Variants in CDH12 observed in about 807,000 individuals in gnomAD.
CDH12 encodes the protein cadherin-12.
In CDH12, 41 loss-of-function variants were observed where a neutral mutation model predicts 74.1. The observed-to-expected ratio is 0.55, with a 90% CI of 0.43 to 0.72. The LOEUF (loss-of-function observed/expected upper bound fraction) is 0.72. Among genes scored for constraint, CDH12 ranks in the 30% least tolerant of loss-of-function variants. The pLI is 0.00. For missense variants in CDH12, 945 were observed against 977.2 expected, an observed-to-expected ratio of 0.97 and a Z score of 0.44; for synonymous variants, 399 against 355.0, an observed-to-expected ratio of 1.12 and a Z score of -1.39.
intron 5 of CDH12, among the ~76,000 whole-genome samples, chr5:22,053,537 A>G (rs572894854): frequency 6.6e-6 from 1 of 152,140 alleles, no homozygotes; most frequent in East Asian, 1.9e-4. Context: ...CTGGCTTTCT[A>G]TCCAGGGAGA....
At chr5:22,286,513 C>T (rs2150410450) in intron 3 of CDH12, among the ~76,000 whole-genome samples, 1 of 152,172 alleles carries the variant, frequency 6.6e-6, no homozygotes, top group African/African-American at 2.4e-5. Flanking sequence ...GTTAAATGGT[C>T]AAGGTGAGGA....
intron 4 of CDH12, among the ~76,000 whole-genome samples, chr5:22,209,918 C>T (rs1198760168): frequency 6.6e-6 from 1 of 151,986 alleles, no homozygotes; most frequent in East Asian, 1.9e-4. Context: ...ACAGCCAGAT[C>T]TGAATTTGAG....
intron 3 of CDH12, among the ~76,000 whole-genome samples, chr5:22,357,977 G>T (rs1171637484): frequency 6.6e-6 from 1 of 152,154 alleles, no homozygotes; most frequent in South Asian, 2.1e-4. Flanking sequence ...CATTAAAAAT[G>T]AGTTTTGAAT....
At chr5:22,461,041 T>C (rs1257067152) in intron 2 of CDH12, among the ~76,000 whole-genome samples, 1 of 139,396 alleles carries the variant, frequency 7.2e-6, no homozygotes, top group Non-Finnish European at 1.6e-5. Context: ...TTTTTTTTTT[T>C]TTTTTTTTTT....
chr5:21,981,901 T>C (rs896167298), intron 5 of CDH12, among the ~76,000 whole-genome samples: 13 of 152,158 alleles, frequency 8.5e-5, no homozygotes, highest in Non-Finnish European at 1.9e-4. Flanking sequence ...CTCAAACTTC[T>C]GGGCTCAAGC....
At chr5:21,827,942 C>T (rs1285262257) in intron 8 of CDH12, among the ~76,000 whole-genome samples, 1 of 151,984 alleles carries the variant, frequency 6.6e-6, no homozygotes, top group Admixed American at 6.6e-5. Context: ...ATATTTAAAC[C>T]TTTGTTTATG....
In CDH12 at chr5:22,079,644, C is replaced by T. The variant is rs1274454786; in HGVS notation, c.-186-782G>A. On this transcript the variant is annotated intron_variant, in intron 4 of 14. Coordinates refer to ENST00000382254, the MANE Select transcript of CDH12 (RefSeq NM_004061.5). Reference sequence around the variant, plus strand: ...GACAATGTGAGTATTACTTTATAGACGTTGTGTAGCTCAGAGAAAAGCTGG... The same window carrying T: ...GACAATGTGAGTATTACTTTATAGATGTTGTGTAGCTCAGAGAAAAGCTGG... Among the ~76,000 whole-genome samples the T allele has an allele frequency of 2.6e-5, 4 of 152,032 alleles. No homozygotes were observed. The South Asian group carries it at 8.3e-4, about 31-fold the overall frequency.
Position 22,276,186 on chromosome 5 carries a change from C to T in CDH12, c.-332-63543G>A, listed in dbSNP as rs75458031. ...ATTATTTCAAAAAGTATTCATTGTA[C>T]TTTCTGACTGGAATTTGAATTATTC... is the stretch of plus-strand genomic sequence containing the variant. On this transcript the variant is annotated intron_variant, in intron 3 of 14. Transcript: ENST00000382254. 6.6e-3 allele frequency among the ~76,000 whole-genome samples: 1,010 copies of T among 152,214 alleles called. 4 individuals are homozygous for T. Among genetic ancestry groups the T allele is most frequent in the Middle Eastern group, 0.01 (3 of 294 alleles).
At chr5:22,528,819 A>G (rs1220406737) in intron 1 of CDH12, among the ~76,000 whole-genome samples, 1 of 152,128 alleles carries the variant, frequency 6.6e-6, no homozygotes, top group African/African-American at 2.4e-5. Context: ...AGAGAACACC[A>G]TGGACCACCA....
intron 1 of CDH12, among the ~76,000 whole-genome samples, chr5:22,670,028 T>C (rs1003530904): frequency 6.6e-6 from 1 of 152,126 alleles, no homozygotes; most frequent in Non-Finnish European, 1.5e-5. Flanking sequence ...CCAGCCAAAA[T>C]GTATGTAACA....
intron 1 of CDH12, among the ~76,000 whole-genome samples, chr5:22,551,579 C>T (rs923629598): frequency 1.3e-5 from 2 of 152,058 alleles, no homozygotes. Flanking sequence ...CTAAGAAAAG[C>T]TTAACGCATA....
chr5:22,050,034 A>C (rs1012412646), intron 5 of CDH12, among the ~76,000 whole-genome samples: 1 of 152,078 alleles, frequency 6.6e-6, no homozygotes, highest in Non-Finnish European at 1.5e-5. Context: ...GTGCATTTCA[A>C]ACACTTTCAC....
intron 1 of CDH12, among the ~76,000 whole-genome samples, chr5:22,548,562 G>T (rs1317472819): frequency 6.6e-6 from 1 of 152,074 alleles, no homozygotes; most frequent in Non-Finnish European, 1.5e-5. Context: ...GAACTAGGCT[G>T]TTGAAGCCAG....
At chr5:22,831,216 G>C (rs1441105888) in intron 1 of CDH12, among the ~76,000 whole-genome samples, 1 of 151,922 alleles carries the variant, frequency 6.6e-6, no homozygotes, top group Non-Finnish European at 1.5e-5. Context: ...TGGAGGATGA[G>C]GAGAACTCAA....
intron 8 of CDH12, among the ~76,000 whole-genome samples, chr5:21,838,544 A>T (rs1385672671): frequency 2.0e-5 from 3 of 152,178 alleles, no homozygotes; most frequent in Non-Finnish European, 4.4e-5. Context: ...TGGGCCACAG[A>T]GTGAGATTCC....
intron 6 of CDH12, among the ~76,000 whole-genome samples, chr5:21,949,315 T>TG (rs894275134): frequency 6.6e-6 from 1 of 151,420 alleles, no homozygotes; most frequent in Non-Finnish European, 1.5e-5. Flanking sequence ...CCAGGCCTGG[T>TG]GGGGGGCGCC....
chr5:22,460,530 T>A (rs111739721), intron 2 of CDH12, among the ~76,000 whole-genome samples: 1,742 of 152,252 alleles, frequency 0.011, 37 homozygotes, highest in African/African-American at 0.04. Flanking sequence ...TTACTCATTA[T>A]TTAATAACTG....
intron 1 of CDH12, among the ~76,000 whole-genome samples, chr5:22,558,781 C>T (rs1478534076): frequency 6.6e-6 from 1 of 151,852 alleles, no homozygotes; most frequent in Non-Finnish European, 1.5e-5. Flanking sequence ...ATAAGAGAAA[C>T]ATGGTAAGCT....
intron 3 of CDH12, among the ~76,000 whole-genome samples, chr5:22,228,440 T>G (rs547350118): frequency 6.6e-6 from 1 of 152,220 alleles, no homozygotes; most frequent in East Asian, 1.9e-4. Context: ...ATGTTAACAT[T>G]TAGTAGTGGA....
Sources: allele counts gnomAD v4.1 joint callset (sites outside exome capture counted in the v4.1 genomes callset), GRCh38; gene constraint gnomAD v4.1.1; transcripts MANE v1.5; gene names NCBI Gene and HGNC (gene_info 2026-07-23, HGNC 2026-07-21).